The following HPSE2 variants were observed in gnomAD, a reference collection of about 807,000 sequenced individuals.
The protein encoded by HPSE2 is heparanase 2 (inactive).
A neutral mutation model predicts 60.5 loss-of-function variants in HPSE2; 38 were observed. The ratio of observed to expected loss-of-function variants is 0.63; its 90% CI spans 0.48 to 0.82. The LOEUF is 0.82. Ranked by LOEUF, HPSE2 falls within the 40% of genes least tolerant of loss-of-function variation. The probability of loss-of-function intolerance (pLI) is 0.00; values close to 1 mark genes in which losing one functional copy is unlikely to be tolerated. For missense variants in HPSE2, 713 were observed against 740.4 expected, an observed-to-expected ratio of 0.96 and a Z score of 0.43; for synonymous variants, 295 against 293.2, an observed-to-expected ratio of 1.01 and a Z score of -0.06.
rs555006708 is a variant in HPSE2, at chr10:98,546,302, A to G, written c.1321-56106T>C. 3.6e-5 allele frequency among the ~76,000 whole-genome samples: 5 copies of G among 138,014 alleles called. 1 individual carries two copies. In the South Asian group the frequency reaches 9.6e-4, roughly 26 times the overall value. The allele number at this position is 138,014 out of a possible 152,430, so 90.5% of individuals were successfully genotyped here. ...TTTCTTCACAGAATTGGAAAAAATT[A>G]CTTTAAAGTTCATATGGAACCAAAA... On this transcript the variant is annotated intron_variant, in intron 9 of 11. Transcript: ENST00000370552.
intron 3 of HPSE2, among the ~76,000 whole-genome samples, chr10:98,763,917 G>C (rs1157830882): frequency 1.3e-5 from 2 of 152,032 alleles, no homozygotes; most frequent in African/African-American, 2.4e-5. Flanking sequence ...AGTAAATTTG[G>C]GGGTAAAGGT....
chr10:98,460,452 C>G (rs1940239870), intron 11 of HPSE2, among the ~76,000 whole-genome samples: 2 of 152,054 alleles, frequency 1.3e-5, no homozygotes, highest in Non-Finnish European at 2.9e-5. Context: ...CATAGCGAGA[C>G]CCCATTTCTA....
At chr10:98,741,045 ACT>A (rs1949483766) in intron 4 of HPSE2, among the ~76,000 whole-genome samples, 1 of 152,128 alleles carries the variant, frequency 6.6e-6, no homozygotes, top group African/African-American at 2.4e-5. Flanking sequence ...TATTCTTTAG[ACT>A]CTAAAATGTA....
Position 99,052,119 on chromosome 10 carries a change from G to A in HPSE2, c.610+92119C>T, listed in dbSNP as rs537136646. 8.8e-4 allele frequency among the ~76,000 whole-genome samples: 133 copies of A among 151,746 alleles called. No homozygotes were observed. The Middle Eastern group carries it at 0.01, about 12-fold the overall frequency. ...AAAGAAACCCCAAACTGACACAGACGTTACAAATACAGACAAGAACTTTAA... is the reference window on the plus strand; with the variant it reads ...AAAGAAACCCCAAACTGACACAGACATTACAAATACAGACAAGAACTTTAA... On this transcript the variant is annotated intron_variant, in intron 3 of 11. Transcript: ENST00000370552.
At chr10:98,559,092 C>T (rs930352303) in intron 9 of HPSE2, among the ~76,000 whole-genome samples, 2 of 152,086 alleles carry the variant, frequency 1.3e-5, no homozygotes, top group African/African-American at 4.8e-5. Flanking sequence ...AGTGCAGTGG[C>T]GCAATCTTGC....
intron 6 of HPSE2, among the ~76,000 whole-genome samples, chr10:98,648,707 G>A (rs1339279609): frequency 6.6e-6 from 1 of 151,932 alleles, no homozygotes; most frequent in Admixed American, 6.6e-5. Flanking sequence ...TATGGCACCA[G>A]TACTCAGCCT....
intron 9 of HPSE2, among the ~76,000 whole-genome samples, chr10:98,511,735 A>G (rs1354015945): frequency 6.6e-6 from 1 of 152,156 alleles, no homozygotes; most frequent in African/African-American, 2.4e-5. Flanking sequence ...TGATTGAATA[A>G]ATGATCAAAT....
chr10:99,282,351 T>C, the HPSE2 span, among the ~76,000 whole-genome samples: 1 of 152,156 alleles, frequency 6.6e-6, no homozygotes, highest in Admixed American at 6.5e-5. Flanking sequence ...TATATACATA[T>C]GCACAAAGTC....
chr10:98,559,890 G>A (rs1312251518), intron 9 of HPSE2, among the ~76,000 whole-genome samples: 1 of 152,184 alleles, frequency 6.6e-6, no homozygotes, highest in Non-Finnish European at 1.5e-5. Context: ...GATTTGCAGA[G>A]AGTAAAGGAG....
At chr10:99,223,320 C>T (rs528967654) in intron 2 of HPSE2, among the ~76,000 whole-genome samples, 2 of 152,242 alleles carry the variant, frequency 1.3e-5, no homozygotes, top group African/African-American at 2.4e-5. Context: ...CATTCAATAA[C>T]ATTAAGTATT....
chr10:98,700,052 A>G (rs1286052329), intron 5 of HPSE2, among the ~76,000 whole-genome samples: 1 of 151,734 alleles, frequency 6.6e-6, no homozygotes, highest in Non-Finnish European at 1.5e-5. Context: ...GATATCATGA[A>G]AATGGCCATA....
chr10:98,802,297 T>C (rs1950929083), intron 3 of HPSE2, among the ~76,000 whole-genome samples: 1 of 44,422 alleles, frequency 2.3e-5, no homozygotes. Flanking sequence ...ATTTTCTCTT[T>C]TTATTTTTTT....
In HPSE2 at chr10:98,873,496, T is replaced by C. The variant is rs576939106; in HGVS notation, c.611-129440A>G. 4.6e-5 allele frequency among the ~76,000 whole-genome samples: 7 copies of C among 152,222 alleles called. No homozygotes were observed. In the South Asian group the frequency reaches 1.2e-3, roughly 27 times the overall value. On this transcript the variant is annotated intron_variant, in intron 3 of 11. Transcript: ENST00000370552. Reference sequence around the variant, plus strand: ...TACTGTGTTAGTTTGCTGAGTATGATGGCTTTCAGCTTCATCCATGCCCCT... The same window carrying C: ...TACTGTGTTAGTTTGCTGAGTATGACGGCTTTCAGCTTCATCCATGCCCCT...
chr10:98,695,338 G>A (rs753984055), intron 5 of HPSE2, among the ~76,000 whole-genome samples: 2 of 152,104 alleles, frequency 1.3e-5, no homozygotes, highest in African/African-American at 2.4e-5. Context: ...TTGGCTGAAC[G>A]GTTTTGCCTT....
the HPSE2 span, among the ~76,000 whole-genome samples, chr10:99,284,159 A>C: frequency 6.6e-6 from 1 of 152,198 alleles, no homozygotes; most frequent in African/African-American, 2.4e-5. Context: ...TAAATGCTTA[A>C]TATTAAAAGA....
chr10:99,222,156 C>G (rs1328886016), intron 2 of HPSE2, among the ~76,000 whole-genome samples: 1 of 151,970 alleles, frequency 6.6e-6, no homozygotes, highest in African/African-American at 2.4e-5. Flanking sequence ...TTGAAGCTGA[C>G]TTGGTAGAGG....
At chr10:99,173,411 C>A (rs1382914742) in intron 2 of HPSE2, among the ~76,000 whole-genome samples, 1 of 152,066 alleles carries the variant, frequency 6.6e-6, no homozygotes, top group Non-Finnish European at 1.5e-5. Context: ...AGGAAAGAGT[C>A]AAAAATACTT....
intron 3 of HPSE2, among the ~76,000 whole-genome samples, chr10:99,004,390 G>A (rs937722215): frequency 2.6e-5 from 4 of 151,496 alleles, no homozygotes; most frequent in Admixed American, 2.6e-4. Flanking sequence ...CTAGAAGTAT[G>A]CTTTACCATC....
At chr10:99,091,680 A>G (rs149481724) in intron 3 of HPSE2, among the ~76,000 whole-genome samples, 1 of 152,272 alleles carries the variant, frequency 6.6e-6, no homozygotes, top group East Asian at 1.9e-4. Flanking sequence ...TTTGATAGCT[A>G]TGCTAGCATA....
Sources: allele counts gnomAD v4.1 joint callset (sites outside exome capture counted in the v4.1 genomes callset), GRCh38; gene constraint gnomAD v4.1.1; transcripts MANE v1.5; gene names NCBI Gene and HGNC (gene_info 2026-07-23, HGNC 2026-07-21).